Variants in TPO observed in about 807,000 individuals in gnomAD.
TPO encodes the protein thyroid microsomal antigen.
A neutral mutation model predicts 96.9 loss-of-function variants in TPO; 78 were observed. That is an observed-to-expected ratio of 0.81 (90% CI 0.67 to 0.97). The LOEUF (loss-of-function observed/expected upper bound fraction) is 0.97, where lower values mean the gene tolerates loss of function less well. Among genes scored for constraint, TPO ranks in the 50% least tolerant of loss-of-function variants. The pLI is 0.00. For missense variants in TPO, 1,252 were observed against 1,274.8 expected, an observed-to-expected ratio of 0.98 and a Z score of 0.27; for synonymous variants, 547 against 538.0, an observed-to-expected ratio of 1.02 and a Z score of -0.23.
intron 13 of TPO, among the ~76,000 whole-genome samples, chr2:1,500,001 G>C (rs552978772): frequency 6.6e-6 from 1 of 152,348 alleles, no homozygotes; most frequent in South Asian, 2.1e-4. Context: ...TGAATGCTGG[G>C]ACAGCCACAC....
At chr2:1,522,681 C>T (rs1050023433) in intron 15 of TPO, among the ~76,000 whole-genome samples, 1 of 152,084 alleles carries the variant, frequency 6.6e-6, no homozygotes, top group African/African-American at 2.4e-5. Flanking sequence ...AAGTCTGACA[C>T]ATCGCAAAGG....
chr2:1,495,137 G>C (rs1672198530), intron 11 of TPO, among the ~76,000 whole-genome samples: 1 of 152,210 alleles, frequency 6.6e-6, no homozygotes, highest in South Asian at 2.1e-4. Context: ...CAGCTGGCAG[G>C]TTCCTAGGGT....
chr2:1,382,174 C>T (rs762682482), intron 1 of TPO, among the ~76,000 whole-genome samples: 1 of 152,162 alleles, frequency 6.6e-6, no homozygotes, highest in African/African-American at 2.4e-5. Context: ...AACCCGGGAG[C>T]GTTTCAGTCC....
At chr2:1,395,316 G>A (rs1036963181) in intron 1 of TPO, among the ~76,000 whole-genome samples, 21 of 152,098 alleles carry the variant, frequency 1.4e-4, no homozygotes, top group Non-Finnish European at 2.6e-4. Flanking sequence ...GATTTCCCAT[G>A]TGACCATTCA....
At chr2:1,451,055 C>G (rs1452897045) in intron 5 of TPO, among the ~76,000 whole-genome samples, 1 of 152,184 alleles carries the variant, frequency 6.6e-6, no homozygotes, top group Non-Finnish European at 1.5e-5. Flanking sequence ...ACCATGTCCC[C>G]AAGCCTCCTG....
upstream of TPO, among the ~76,000 whole-genome samples, chr2:1,412,920 G>A (rs1379390596): frequency 6.6e-6 from 1 of 152,142 alleles, no homozygotes; most frequent in Admixed American, 6.5e-5. Flanking sequence ...GGTGCATGAT[G>A]AGGATTGAGG....
chr2:1,380,481 T>C (rs1405788242), intron 1 of TPO, among the ~76,000 whole-genome samples: 1 of 152,082 alleles, frequency 6.6e-6, no homozygotes, highest in Non-Finnish European at 1.5e-5. Flanking sequence ...TGTTCATCAT[T>C]ATATTCTAAA....
chr2:1,515,621 T>A (rs1267617641), intron 14 of TPO, among the ~76,000 whole-genome samples: 1 of 152,054 alleles, frequency 6.6e-6, no homozygotes, highest in African/African-American at 2.4e-5. Context: ...GAAAGACCCA[T>A]GATAGGAAGA....
chr2:1,484,466 C>T, intron 8 of TPO, 130 bp from the exon 9 acceptor site: 1 of 1,172,768 alleles, frequency 8.5e-7, no homozygotes, highest in Non-Finnish European at 1.2e-6. Flanking sequence ...TCAGCTGAGG[C>T]CCTTATTACA....
At chr2:1,400,901 G>T (rs1384862920) in intron 1 of TPO, among the ~76,000 whole-genome samples, 2 of 152,160 alleles carry the variant, frequency 1.3e-5, no homozygotes, top group Non-Finnish European at 2.9e-5. Flanking sequence ...TTCTAATCAT[G>T]TATCCTTGTG....
intron 14 of TPO, among the ~76,000 whole-genome samples, chr2:1,515,908 C>T (rs78998322): frequency 5.5e-4 from 83 of 151,778 alleles, no homozygotes; most frequent in Non-Finnish European, 9.4e-4. Flanking sequence ...AAAAAAAAAA[C>T]GCTGATTGGT....
chr2:1,421,712 G>C (rs1415461833), intron 2 of TPO, among the ~76,000 whole-genome samples: 3 of 152,172 alleles, frequency 2.0e-5, no homozygotes, highest in Admixed American at 2.0e-4. Flanking sequence ...GGAACAGGAG[G>C]TTCCCTGATT....
At chr2:1,529,269 C>G in intron 15 of TPO, among the ~76,000 whole-genome samples, 1 of 121,492 alleles carries the variant, frequency 8.2e-6, no homozygotes, top group East Asian at 2.9e-4. Context: ...GTGCAACCTC[C>G]TCAAATCCCC....
intron 3 of TPO, among the ~76,000 whole-genome samples, chr2:1,432,156 G>T (rs935175764): frequency 1.3e-5 from 2 of 152,248 alleles, no homozygotes; most frequent in Non-Finnish European, 2.9e-5. Flanking sequence ...TCTTCTTTGA[G>T]GCCTGGCCCT....
chr2:1,489,067 G>A (rs1357166710), intron 10 of TPO, among the ~76,000 whole-genome samples: 1 of 151,048 alleles, frequency 6.6e-6, no homozygotes, highest in Non-Finnish European at 1.5e-5. Flanking sequence ...CACATGCCCG[G>A]CACATGCCCA....
At chr2:1,447,143 C>T (rs1666903235) in intron 5 of TPO, among the ~76,000 whole-genome samples, 1 of 152,122 alleles carries the variant, frequency 6.6e-6, no homozygotes, top group South Asian at 2.1e-4. Context: ...TCAGACGTGC[C>T]TCATGACACC....
intron 15 of TPO, among the ~76,000 whole-genome samples, chr2:1,534,224 C>T (rs1385901950): frequency 1.1e-5 from 1 of 91,210 alleles, no homozygotes; most frequent in Non-Finnish European, 2.2e-5. Context: ...CCACTGTGTG[C>T]AACCTCCTCA....
intron 15 of TPO, among the ~76,000 whole-genome samples, chr2:1,536,780 C>A (rs1342254112): frequency 7.2e-6 from 1 of 138,562 alleles, no homozygotes; most frequent in Non-Finnish European, 1.6e-5. Flanking sequence ...GTGTAATCTC[C>A]CCAAATCCCC....
rs750956654 is a variant in TPO, at chr2:1,493,967, CCAGGGCTCGGA to C, written c.1941_1951del (p.Arg648ProfsTer17). On this transcript the variant is annotated frameshift_variant, in exon 11 of 17. Coordinates refer to ENST00000329066, the MANE Select transcript of TPO (RefSeq NM_001206744.2). LOFTEE classifies it high-confidence loss of function. ...GGAGGCTTAGCTGAAAACTTCCTCC[CCAGGGCTCGGA>C]CAGGGCCCCTGTTTGCCTGTCTCAT... The C allele has an allele frequency of 1.2e-6, 2 of 1,614,172 alleles. No homozygotes were observed. Among genetic ancestry groups the C allele is most frequent in the Non-Finnish European group, 1.7e-6 (2 of 1,180,036 alleles).
Sources: allele counts gnomAD v4.1 joint callset (sites outside exome capture counted in the v4.1 genomes callset), GRCh38; gene constraint gnomAD v4.1.1; transcripts MANE v1.5; gene names NCBI Gene and HGNC (gene_info 2026-07-23, HGNC 2026-07-21).